Variants in ABCG2 observed in about 807,000 individuals in gnomAD.
ABCG2 encodes the protein ATP binding cassette subfamily G member 2 (JR blood group).
A neutral mutation model predicts 73.5 loss-of-function variants in ABCG2; 80 were observed. The observed-to-expected ratio is 1.09, with a 90% confidence interval of 0.91 to 1.31. The LOEUF (loss-of-function observed/expected upper bound fraction) is 1.31, where lower values mean the gene tolerates loss of function less well. ABCG2 is among the 50% of genes most tolerant of loss of function. The probability of loss-of-function intolerance (pLI) is 0.00; values close to 1 mark genes in which losing one functional copy is unlikely to be tolerated. For synonymous variants in ABCG2, 269 were observed against 282.4 expected, an observed-to-expected ratio of 0.95 and a Z score of 0.48; for missense variants, 796 against 786.2, an observed-to-expected ratio of 1.01 and a Z score of -0.15.
chr4:88,157,377 A>G (rs1336546400), intron 1 of ABCG2, among the ~76,000 whole-genome samples: 1 of 152,214 alleles, frequency 6.6e-6, no homozygotes, highest in East Asian at 1.9e-4. Flanking sequence ...CATCGATTGG[A>G]TCCTGGGCAG....
intron 14 of ABCG2, among the ~76,000 whole-genome samples, chr4:88,094,905 A>G (rs1017853229): frequency 2.0e-5 from 3 of 152,226 alleles, no homozygotes; most frequent in Non-Finnish European, 4.4e-5. Flanking sequence ...ACCTCTGGCT[A>G]TACTACACCA....
At position 88,101,620 on chromosome 4, in the gene ABCG2, T is replaced by C. The variant is rs544110743; in HGVS notation, c.1278-301A>G. ...CCCCCAATGTGATGGTATTTGAAGA[T>C]GGGCCCTTTGGAAGGTAATTAGGTT... On this transcript the variant is annotated intron_variant, in intron 10 of 15. Transcript: ENST00000237612. 6.6e-5 allele frequency among the ~76,000 whole-genome samples: 10 copies of C among 152,250 alleles called. No individual in the cohort carries two copies. In the South Asian group the frequency reaches 2.1e-3, roughly 32 times the overall value.
intron 1 of ABCG2, among the ~76,000 whole-genome samples, chr4:88,173,011 G>A (rs1727819099): frequency 6.6e-6 from 1 of 152,108 alleles, no homozygotes; most frequent in Admixed American, 6.5e-5. Context: ...GATCTTAGTG[G>A]ACTCATCTAA....
rs1223055814 is a variant in ABCG2, at chr4:88,090,846, A to G, written c.*1388T>C. The G allele has an allele frequency of 6.6e-6, 1 of 152,270 alleles. No individual in the cohort carries two copies. The highest frequency in any genetic ancestry group is 2.4e-5 in the African/African-American group (1 of 41,480). The allele number at this position is 152,270 out of a possible 1,614,324, so 9.4% of individuals were successfully genotyped here. On this transcript the variant is annotated 3_prime_UTR_variant, in exon 16 of 16. Coordinates refer to ENST00000237612, the MANE Select transcript of ABCG2 (RefSeq NM_004827.3). ...GTGATTGTACCAATGTTAACTTGTT[A>G]GCTTTGACAAATGCATCTTGCTATA... is the stretch of plus-strand genomic sequence containing the variant.
intron 1 of ABCG2, among the ~76,000 whole-genome samples, chr4:88,170,083 C>A (rs1727697963): frequency 6.7e-6 from 1 of 150,040 alleles, no homozygotes; most frequent in Non-Finnish European, 1.5e-5. Context: ...TGCACTCCAG[C>A]CTGAGTAGCA....
Position 88,144,613 on chromosome 4 carries a change from G to A in ABCG2, c.-19-4599C>T, listed in dbSNP as rs375007153. 7.2e-5 allele frequency among the ~76,000 whole-genome samples: 11 copies of A among 151,798 alleles called. No homozygotes were observed. In the South Asian group the frequency reaches 1.2e-3, roughly 17 times the overall value. On this transcript the variant is annotated intron_variant, in intron 1 of 15. Transcript: ENST00000237612. ...TGGGATTACAGGCCGATGCCACAAC[G>A]CCCAACTAATTTTTGTATTTTTAGT...
intron 1 of ABCG2, among the ~76,000 whole-genome samples, chr4:88,181,066 G>C (rs536145727): frequency 6.6e-6 from 1 of 152,226 alleles, no homozygotes; most frequent in African/African-American, 2.4e-5. Context: ...CTCTTTGCTT[G>C]TTAGTTTGTT....
chr4:88,221,600 A>G (rs181625304), intron 1 of ABCG2, among the ~76,000 whole-genome samples: 109 of 152,314 alleles, frequency 7.2e-4, no homozygotes, highest in African/African-American at 2.5e-3. Context: ...GATATGGACA[A>G]TAAAGTGCAG....
At chr4:88,151,687 C>T (rs187384329) in intron 1 of ABCG2, among the ~76,000 whole-genome samples, 7 of 149,958 alleles carry the variant, frequency 4.7e-5, no homozygotes, top group Admixed American at 6.7e-5. Flanking sequence ...TGCAGTGAGC[C>T]GAGATGGCGC....
At chr4:88,185,192 ATC>A (rs1728403179) in intron 1 of ABCG2, among the ~76,000 whole-genome samples, 2 of 152,186 alleles carry the variant, frequency 1.3e-5, no homozygotes, top group Admixed American at 1.3e-4. Flanking sequence ...ATGAAACCCT[ATC>A]TCTGCTAAAA....
chr4:88,202,458 G>C (rs1315279614), intron 1 of ABCG2, among the ~76,000 whole-genome samples: 1 of 147,984 alleles, frequency 6.8e-6, no homozygotes, highest in East Asian at 2.0e-4. Context: ...GAAAGATTAG[G>C]CTTGCAGACA....
intron 1 of ABCG2, among the ~76,000 whole-genome samples, chr4:88,183,753 C>T (rs1183064041): frequency 1.4e-5 from 2 of 146,182 alleles, no homozygotes; most frequent in Admixed American, 1.4e-4. Flanking sequence ...GACAAAGACA[C>T]ATCAAAAAAA....
At chr4:88,197,067 A>T (rs755838211) in intron 1 of ABCG2, among the ~76,000 whole-genome samples, 7 of 151,872 alleles carry the variant, frequency 4.6e-5, no homozygotes, top group Non-Finnish European at 7.4e-5. Flanking sequence ...CAGGCTTACT[A>T]AAAAAACCAA....
intron 13 of ABCG2, among the ~76,000 whole-genome samples, chr4:88,096,873 G>A (rs1578167370): frequency 1.3e-5 from 2 of 152,024 alleles, no homozygotes; most frequent in Non-Finnish European, 2.9e-5. Context: ...TTCAAAATAC[G>A]AGAGGGAACC....
At chr4:88,168,956 T>C (rs1054970403) in intron 1 of ABCG2, among the ~76,000 whole-genome samples, 4 of 152,056 alleles carry the variant, frequency 2.6e-5, no homozygotes, top group African/African-American at 9.7e-5. Flanking sequence ...TTAAAGGTCA[T>C]CACTCCCAAA....
At chr4:88,092,671 A>T (rs1721714745) in intron 15 of ABCG2, among the ~76,000 whole-genome samples, 1 of 152,220 alleles carries the variant, frequency 6.6e-6, no homozygotes. Flanking sequence ...TTACAGAGTC[A>T]TACTTTGAAT....
At chr4:88,120,035 G>T (rs1386975278) in intron 6 of ABCG2, among the ~76,000 whole-genome samples, 1 of 152,114 alleles carries the variant, frequency 6.6e-6, no homozygotes, top group East Asian at 1.9e-4. Context: ...GGCCTAGGAG[G>T]AAAAAATGGT....
chr4:88,132,673 T>C (rs751019620), intron 2 of ABCG2, 38 bp from the exon 3 acceptor site: 43 of 1,607,058 alleles, frequency 2.7e-5, no homozygotes, highest in Non-Finnish European at 3.5e-5. Flanking sequence ...CTATTCCATT[T>C]TAAGTCAGGT....
rs1334444740 is a variant in ABCG2, at chr4:88,091,009, C to T, written c.*1225G>A. 2 of 152,182 alleles carry T rather than the reference C, an allele frequency of 1.3e-5. No homozygotes were observed. Among genetic ancestry groups the T allele is most frequent in the African/African-American group, 4.8e-5 (2 of 41,460 alleles). 9.4% of individuals were successfully genotyped at this position (152,182 alleles called of 1,614,324 possible). ...AAGTGGGGAGATAATTAAGTATCAA[C>T]CTATGCACACAGAAACACAACACTT... On this transcript the variant is annotated 3_prime_UTR_variant, in exon 16 of 16. Transcript: ENST00000237612.
Sources: gnomAD v4.1 joint callset for allele counts (sites outside exome capture counted in the v4.1 genomes callset) on GRCh38, gnomAD v4.1.1 for gene constraint, MANE v1.5 for transcripts, NCBI Gene and HGNC (gene_info 2026-07-23, HGNC 2026-07-21) for gene names.